PCDHGA1: variants seen among roughly 807,000 people sequenced by gnomAD.
The protein encoded by PCDHGA1 is protocadherin gamma subfamily A, 1, also known as protocadherin gamma-A1.
In PCDHGA1, 32 loss-of-function variants were observed where a neutral mutation model predicts 58.0. That is an observed-to-expected ratio of 0.55 (90% CI 0.42 to 0.74). The LOEUF is 0.74. Among genes scored for constraint, PCDHGA1 ranks in the 30% least tolerant of loss-of-function variants. The probability of loss-of-function intolerance (pLI) is 0.00; values close to 1 mark genes in which losing one functional copy is unlikely to be tolerated. For synonymous variants in PCDHGA1, 498 were observed against 501.1 expected, an observed-to-expected ratio of 0.99 and a Z score of 0.08; for missense variants, 1,205 against 1,182.3, an observed-to-expected ratio of 1.02 and a Z score of -0.28.
At chr5:141,336,361 AAAACACAAACAC>A (rs1756615648) in intron 1 of PCDHGA1, among the ~76,000 whole-genome samples, 1 of 152,230 alleles carries the variant, frequency 6.6e-6, no homozygotes, top group South Asian at 2.1e-4. Flanking sequence ...ATAAAACAAA[AAAACACAAACAC>A]AAACACAAAA....
At chr5:141,447,230 C>G (rs1309076828) in intron 1 of PCDHGA1, among the ~76,000 whole-genome samples, 1 of 152,132 alleles carries the variant, frequency 6.6e-6, no homozygotes, top group Non-Finnish European at 1.5e-5. Flanking sequence ...ACCTCCGCCT[C>G]CCGGGTTCAA....
chr5:141,450,258 T>A (rs1267755848), intron 1 of PCDHGA1, among the ~76,000 whole-genome samples: 1 of 152,096 alleles, frequency 6.6e-6, no homozygotes, highest in Non-Finnish European at 1.5e-5. Context: ...CCTCAAGTGA[T>A]CTGCCCACCT....
chr5:141,397,961 G>C, intron 1 of PCDHGA1: 2 of 1,038,400 alleles, frequency 1.9e-6, no homozygotes, highest in Non-Finnish European at 2.7e-6. Context: ...CCCCAGCTCA[G>C]ACTCCCCAGC....
chr5:141,417,550 A>G, intron 1 of PCDHGA1: 1 of 326,094 alleles, frequency 3.1e-6, no homozygotes, highest in Non-Finnish European at 5.5e-6. Flanking sequence ...ATTCCTTGAA[A>G]GAGGTAGAGA....
At chr5:141,407,336 G>C (rs1005803062) in intron 1 of PCDHGA1, among the ~76,000 whole-genome samples, 1 of 152,124 alleles carries the variant, frequency 6.6e-6, no homozygotes, top group South Asian at 2.1e-4. Context: ...ATATTGAAAT[G>C]TATGTTAATT....
At chr5:141,403,594 C>A in intron 1 of PCDHGA1, 2 of 1,613,848 alleles carry the variant, frequency 1.2e-6, no homozygotes, top group Non-Finnish European at 1.7e-6. Context: ...TCCTCACGGC[C>A]TCGGATGGCG....
chr5:141,373,902 T>G (rs973881316), intron 1 of PCDHGA1: 8 of 577,832 alleles, frequency 1.4e-5, no homozygotes, highest in Admixed American at 3.7e-5. Context: ...AGTTACATCC[T>G]CCAACAACAA....
chr5:141,393,988 T>C (rs765412193), intron 1 of PCDHGA1: 1 of 1,613,578 alleles, frequency 6.2e-7, no homozygotes, highest in Non-Finnish European at 8.5e-7. Context: ...AATTTACCTT[T>C]TAAATTAGAA....
chr5:141,350,892 C>A (rs1256057534), intron 1 of PCDHGA1: 1 of 1,613,928 alleles, frequency 6.2e-7, no homozygotes, highest in Non-Finnish European at 8.5e-7. Context: ...ATCCTGACTG[C>A]CATGGATGGC....
chr5:141,361,454 T>A (rs780424534), intron 1 of PCDHGA1: 2 of 1,614,026 alleles, frequency 1.2e-6, no homozygotes, highest in Non-Finnish European at 1.7e-6. Flanking sequence ...ATTGTCACCC[T>A]GCACATCTCC....
intron 1 of PCDHGA1, chr5:141,351,991 C>G (rs769411499): frequency 3.1e-6 from 5 of 1,610,778 alleles, no homozygotes; most frequent in Non-Finnish European, 1.7e-6. Context: ...TGCCACGCGC[C>G]GCAGAGCCCG....
At chr5:141,371,258 G>A in intron 1 of PCDHGA1, 1 of 1,614,052 alleles carries the variant, frequency 6.2e-7, no homozygotes, top group South Asian at 1.1e-5. Context: ...GCAAGGAAGT[G>A]AGACAACTGT....
intron 1 of PCDHGA1, chr5:141,423,660 G>T (rs765304048): frequency 1.3e-6 from 2 of 1,560,582 alleles, no homozygotes; most frequent in Non-Finnish European, 8.6e-7. Context: ...CAAGTAATCA[G>T]GTGAGATTTA....
intron 1 of PCDHGA1, among the ~76,000 whole-genome samples, chr5:141,363,897 C>T (rs925245395): frequency 6.6e-6 from 1 of 152,090 alleles, no homozygotes; most frequent in Admixed American, 6.5e-5. Flanking sequence ...CCCCCGATGA[C>T]GCATTAAATA....
At chr5:141,376,042 T>G (rs768343920) in intron 1 of PCDHGA1, 34 of 1,613,010 alleles carry the variant, frequency 2.1e-5, no homozygotes, top group Middle Eastern at 1.7e-4. Flanking sequence ...GCCAGCCCCC[T>G]CTCTCCGCCA....
chr5:141,371,874 A>G, intron 1 of PCDHGA1: 2 of 1,613,474 alleles, frequency 1.2e-6, no homozygotes, highest in Non-Finnish European at 1.7e-6. Flanking sequence ...CATCGTGGCC[A>G]GTGACCTGGA....
At position 141,404,862 on chromosome 5, in the gene PCDHGA1, C is replaced by T. The variant is rs377687399; in HGVS notation, c.2421+71757C>T. ...GCTCGGGCCCTGCTAGATAGAGATG[C>T]GCTCAAACAGAGCCTTGTGGTGGCT... On this transcript the variant is annotated intron_variant, in intron 1 of 3. Coordinates refer to ENST00000517417, the MANE Select transcript of PCDHGA1 (RefSeq NM_018912.3). The T allele has an allele frequency of 2.3e-5, 37 of 1,613,730 alleles. No individual in the cohort carries two copies. The African/African-American group carries it at 2.8e-4, about 12-fold the overall frequency.
chr5:141,477,438 C>A lies in PCDHGA1; in HGVS notation c.2422-17369C>A, dbSNP rs1386997844. The A allele has an allele frequency of 3.1e-6, 5 of 1,614,174 alleles. No individual in the cohort carries two copies. The Admixed American group carries it at 6.7e-5, about 22-fold the overall frequency. On this transcript the variant is annotated intron_variant, in intron 1 of 3. Coordinates refer to ENST00000517417, the MANE Select transcript of PCDHGA1 (RefSeq NM_018912.3). The surrounding 1 kb of genome is among the most constrained non-coding windows in gnomAD (Gnocchi z 4.9). ...GGAACCCCTTCCCTCTCAGCCCTTA[C>A]AATAGTGCGTGTTCAAGTGTCCGAC...
rs190449546 is a variant in PCDHGA1, at chr5:141,371,792, G to T, written c.2421+38687G>T. ...CCGTGCATGTAGCTGAGAACAATCC[G>T]CCTGGAGCCTCCATTGCGCATGTCA... On this transcript the variant is annotated intron_variant, in intron 1 of 3. Transcript: ENST00000517417. The T allele has an allele frequency of 2.8e-4, 458 of 1,613,872 alleles. 2 individuals are homozygous for T. In the African/African-American group the frequency reaches 4.6e-3, roughly 16 times the overall value.
Sources: allele counts gnomAD v4.1 joint callset (sites outside exome capture counted in the v4.1 genomes callset), GRCh38; gene constraint gnomAD v4.1.1; non-coding constraint Gnocchi (gnomAD v3.1); transcripts MANE v1.5; gene names NCBI Gene and HGNC (gene_info 2026-07-23, HGNC 2026-07-21).